The following PTK2 variants were observed in gnomAD, a reference collection of about 807,000 sequenced individuals.
PTK2 encodes focal adhesion kinase 1.
Under a neutral mutation model 150.1 loss-of-function variants are expected in PTK2, and 45 were observed. That is an observed-to-expected ratio of 0.30 (90% confidence interval 0.24 to 0.38). PTK2 has a LOEUF of 0.38. PTK2 is among the 10% of genes least tolerant of loss of function. The pLI is 1.00. For missense variants in PTK2, 919 were observed against 1,307.3 expected (o/e 0.70, Z 4.58); for synonymous variants, 432 against 449.2 (o/e 0.96, Z 0.48).
intron 14 of PTK2, among the ~76,000 whole-genome samples, chr8:140,773,139 A>G (rs1396248763): frequency 6.6e-6 from 1 of 152,240 alleles, no homozygotes; most frequent in Admixed American, 6.5e-5. Flanking sequence ...TAACTTAAAA[A>G]GTGAATTTTT....
At chr8:140,917,956 CA>C (rs1328457151) in intron 2 of PTK2, among the ~76,000 whole-genome samples, 1 of 152,190 alleles carries the variant, frequency 6.6e-6, no homozygotes, top group Non-Finnish European at 1.5e-5. Flanking sequence ...CAGTACCATG[CA>C]TTCTACTCTT....
intron 23 of PTK2, among the ~76,000 whole-genome samples, chr8:140,714,300 AT>A (rs1350149646): frequency 1.3e-5 from 2 of 152,164 alleles, no homozygotes; most frequent in Admixed American, 1.3e-4. Context: ...AAATTTTTCT[AT>A]ATTAGTATTA....
intron 4 of PTK2, among the ~76,000 whole-genome samples, chr8:140,870,295 T>C (rs1420655707): frequency 6.6e-6 from 1 of 152,112 alleles, no homozygotes; most frequent in Non-Finnish European, 1.5e-5. Flanking sequence ...CTTCCAAAAA[T>C]CTTGAAACAA....
chr8:140,862,773 T>G (rs1468892089), intron 5 of PTK2, among the ~76,000 whole-genome samples: 1 of 152,200 alleles, frequency 6.6e-6, no homozygotes, highest in African/African-American at 2.4e-5. Context: ...GCATTCCTTA[T>G]GAGAACCTAA....
intron 8 of PTK2, among the ~76,000 whole-genome samples, chr8:140,828,168 C>CA (rs201599904): frequency 0.12 from 7,547 of 65,290 alleles, 374 homozygotes; most frequent in African/African-American, 0.24. Flanking sequence ...TCTGTCTCAA[C>CA]AAAAAAAAAA....
At chr8:140,992,008 C>T (rs11780104) in intron 1 of PTK2, among the ~76,000 whole-genome samples, 67,030 of 151,418 alleles carry the variant, frequency 0.44, 16,017 homozygotes, top group Non-Finnish European at 0.55. Context: ...AATGAAACAA[C>T]AGGCCAGGCA....
intron 14 of PTK2, among the ~76,000 whole-genome samples, chr8:140,776,639 A>G (rs145015646): frequency 2.7e-4 from 41 of 152,346 alleles, no homozygotes; most frequent in African/African-American, 9.9e-4. Context: ...TGAGTGGAGA[A>G]GGGGAGAGAA....
At chr8:140,990,973 G>A (rs964418020) in intron 1 of PTK2, among the ~76,000 whole-genome samples, 1 of 152,010 alleles carries the variant, frequency 6.6e-6, no homozygotes, top group Non-Finnish European at 1.5e-5. Context: ...CAAGCTGTGG[G>A]GGACTCAAAG....
intron 2 of PTK2, among the ~76,000 whole-genome samples, chr8:140,897,759 C>T (rs6993795): frequency 0.96 from 146,231 of 152,306 alleles, 70,380 homozygotes; most frequent in Non-Finnish European, 1. Context: ...TCTGTATTTG[C>T]TTCTGATCCA....
intron 5 of PTK2, among the ~76,000 whole-genome samples, chr8:140,862,715 G>C (rs1192865457): frequency 6.6e-6 from 1 of 152,134 alleles, no homozygotes; most frequent in African/African-American, 2.4e-5. Flanking sequence ...GATTTTCATA[G>C]GAGCGCAAAC....
At chr8:140,989,589 C>T (rs1244159533) in intron 1 of PTK2, among the ~76,000 whole-genome samples, 1 of 150,842 alleles carries the variant, frequency 6.6e-6, no homozygotes, top group African/African-American at 2.4e-5. Context: ...ACAGTAAATG[C>T]AAACGGCCAG....
intron 1 of PTK2, among the ~76,000 whole-genome samples, chr8:140,998,604 G>A (rs575913918): frequency 4.0e-4 from 61 of 152,114 alleles, no homozygotes; most frequent in Middle Eastern, 3.4e-3. Flanking sequence ...GGATCATGAG[G>A]TCAGGAGATC....
chr8:140,788,123 A>G (rs1424467204), intron 14 of PTK2, among the ~76,000 whole-genome samples: 1 of 152,226 alleles, frequency 6.6e-6, no homozygotes, highest in Non-Finnish European at 1.5e-5. Flanking sequence ...GGCTACTCCA[A>G]GAAGTCACGA....
chr8:140,734,618 C>A, intron 22 of PTK2: 1 of 429,728 alleles, frequency 2.3e-6, no homozygotes. Context: ...AGGGGTTTAA[C>A]AGTACCTGGC....
chr8:140,660,404 C>T (rs971063331), intron 31 of PTK2, among the ~76,000 whole-genome samples: 2 of 152,168 alleles, frequency 1.3e-5, no homozygotes, highest in African/African-American at 4.8e-5. Context: ...ATTTCAAGAC[C>T]TTCCTTGGCT....
At chr8:140,867,628 T>C (rs943829637) in intron 4 of PTK2, among the ~76,000 whole-genome samples, 14 of 152,090 alleles carry the variant, frequency 9.2e-5, no homozygotes, top group Admixed American at 2.0e-4. Flanking sequence ...GAGTGGTGGA[T>C]GGGAGGAGGG....
At chr8:140,747,687 G>A (rs1204061152) in intron 17 of PTK2, among the ~76,000 whole-genome samples, 1 of 88,370 alleles carries the variant, frequency 1.1e-5, no homozygotes, top group East Asian at 4.6e-4. Context: ...AGGAAGGGGA[G>A]GAGGAGGAGG....
At chr8:140,883,727 A>G (rs902904209) in intron 3 of PTK2, among the ~76,000 whole-genome samples, 1 of 151,964 alleles carries the variant, frequency 6.6e-6, no homozygotes, top group African/African-American at 2.4e-5. Flanking sequence ...AGTCCTTCTA[A>G]AAGTCTTCCA....
intron 1 of PTK2, among the ~76,000 whole-genome samples, chr8:140,989,312 T>G (rs1004503392): frequency 6.6e-6 from 1 of 150,566 alleles, no homozygotes; most frequent in African/African-American, 2.4e-5. Flanking sequence ...GAGGATTGCT[T>G]GAGCCCAAGA....
Sources: gnomAD v4.1 joint callset for allele counts (sites outside exome capture counted in the v4.1 genomes callset) on GRCh38, gnomAD v4.1.1 for gene constraint, MANE v1.5 for transcripts, NCBI Gene and HGNC (gene_info 2026-07-23, HGNC 2026-07-21) for gene names.